Variants in CCDC60 observed in about 807,000 individuals in gnomAD.
CCDC60 encodes coiled-coil domain-containing protein 60.
A neutral mutation model predicts 63.5 loss-of-function variants in CCDC60; 54 were observed. That is an observed-to-expected ratio of 0.85 (90% CI 0.68 to 1.07). The LOEUF is 1.07. Among genes scored for constraint, CCDC60 ranks in the 50% least tolerant of loss-of-function variants. CCDC60 has a pLI of 0.00. For missense variants in CCDC60, 651 were observed against 684.3 expected, an observed-to-expected ratio of 0.95 and a Z score of 0.54; for synonymous variants, 206 against 238.8, an observed-to-expected ratio of 0.86 and a Z score of 1.27.
intron 1 of CCDC60, among the ~76,000 whole-genome samples, chr12:119,335,469 T>C (rs932596609): frequency 4.0e-5 from 6 of 151,216 alleles, no homozygotes; most frequent in African/African-American, 1.5e-4. Flanking sequence ...TGTTGTTTCC[T>C]GACTTTTTAA....
At chr12:119,522,370 C>T (rs1425955516) in intron 9 of CCDC60, among the ~76,000 whole-genome samples, 1 of 152,180 alleles carries the variant, frequency 6.6e-6, no homozygotes, top group Non-Finnish European at 1.5e-5. Flanking sequence ...TTCAGTCATC[C>T]ACACCTAGAA....
At chr12:119,528,048 A>G (rs1237357171) in intron 11 of CCDC60, among the ~76,000 whole-genome samples, 1 of 152,112 alleles carries the variant, frequency 6.6e-6, no homozygotes, top group Non-Finnish European at 1.5e-5. Context: ...ATAAAGCTGG[A>G]AAATGTGGGG....
At chr12:119,398,435 G>T (rs868355661) in intron 1 of CCDC60, among the ~76,000 whole-genome samples, 1 of 152,116 alleles carries the variant, frequency 6.6e-6, no homozygotes, top group South Asian at 2.1e-4. Flanking sequence ...ACGCCTCCCC[G>T]CAAGCAGAGG....
chr12:119,374,528 G>A (rs972385921), intron 1 of CCDC60, among the ~76,000 whole-genome samples: 6 of 152,122 alleles, frequency 3.9e-5, no homozygotes, highest in Non-Finnish European at 7.4e-5. Context: ...ATAGAGGGGT[G>A]GTGGTGTTCC....
intron 1 of CCDC60, among the ~76,000 whole-genome samples, chr12:119,412,382 G>C (rs1340048243): frequency 6.6e-6 from 1 of 152,182 alleles, no homozygotes. Flanking sequence ...TCTTCTTCCA[G>C]GGAGAGAGAA....
intron 4 of CCDC60, among the ~76,000 whole-genome samples, chr12:119,482,170 A>T (rs1388277124): frequency 6.6e-6 from 1 of 150,716 alleles, no homozygotes; most frequent in African/African-American, 2.4e-5. Flanking sequence ...ACACACACAC[A>T]CACACACATA....
Position 119,522,975 on chromosome 12 carries a change from C to G in CCDC60, c.1077C>G (p.Ile359Met). The G allele has an allele frequency of 6.2e-7, 1 of 1,614,132 alleles. No homozygotes were observed. The highest frequency in any genetic ancestry group is 8.5e-7 in the Non-Finnish European group (1 of 1,180,008). ...GCAGTACAAGTGCAGAAAGCCACATCCAACCAGTCCAGAAGAAGTCTAAAA... is the reference window on the plus strand; with the variant it reads ...GCAGTACAAGTGCAGAAAGCCACATGCAACCAGTCCAGAAGAAGTCTAAAA... ...RSSSTSAESHIQPVQKKSKNR... is the reference protein window; with the variant it reads ...RSSSTSAESHMQPVQKKSKNR... Residue 359 changes from isoleucine to methionine, a missense_variant, in exon 10 of 14, where the codon ATC (isoleucine) becomes ATG (methionine). By Grantham distance (10) the Ile-to-Met change is conservative (BLOSUM62 1). Transcript: ENST00000327554.
intron 1 of CCDC60, among the ~76,000 whole-genome samples, chr12:119,373,849 C>T (rs372153617): frequency 6.6e-6 from 1 of 152,190 alleles, no homozygotes; most frequent in Non-Finnish European, 1.5e-5. Flanking sequence ...ACATTTTTCA[C>T]GTTTCATTTG....
intron 1 of CCDC60, among the ~76,000 whole-genome samples, chr12:119,377,349 C>T (rs180912327): frequency 1.3e-4 from 19 of 151,728 alleles, no homozygotes; most frequent in Admixed American, 3.9e-4. Context: ...GAAATATCTT[C>T]CAATTGTTGT....
intron 1 of CCDC60, among the ~76,000 whole-genome samples, chr12:119,369,221 A>G (rs1345594644): frequency 6.6e-6 from 1 of 152,178 alleles, no homozygotes; most frequent in Non-Finnish European, 1.5e-5. Context: ...AGGCCTGAGA[A>G]GTAGCCATAT....
At chr12:119,372,725 C>A (rs138667856) in intron 1 of CCDC60, among the ~76,000 whole-genome samples, 3 of 152,242 alleles carry the variant, frequency 2.0e-5, no homozygotes, top group Non-Finnish European at 4.4e-5. Flanking sequence ...AACACCTGGG[C>A]CCTAGAGATG....
intron 2 of CCDC60, among the ~76,000 whole-genome samples, chr12:119,468,080 C>G (rs942419532): frequency 1.3e-5 from 2 of 151,830 alleles, no homozygotes; most frequent in Admixed American, 1.3e-4. Flanking sequence ...CAAGACCAGC[C>G]TGGCCAATAT....
chr12:119,370,601 C>T (rs535959705), intron 1 of CCDC60, among the ~76,000 whole-genome samples: 1 of 152,300 alleles, frequency 6.6e-6, no homozygotes, highest in East Asian at 1.9e-4. Flanking sequence ...CTCCTCCCTG[C>T]TCATCTCAGG....
chr12:119,369,050 A>G (rs959574961), intron 1 of CCDC60, among the ~76,000 whole-genome samples: 6 of 152,148 alleles, frequency 3.9e-5, no homozygotes, highest in Non-Finnish European at 8.8e-5. Context: ...TCAATATCCA[A>G]CCACACAGTG....
At chr12:119,516,542 T>G in intron 7 of CCDC60, 81 bp from the exon 8 acceptor site, 1 of 913,646 alleles carries the variant, frequency 1.1e-6, no homozygotes, top group Non-Finnish European at 1.7e-6. Flanking sequence ...TGACCCCAGT[T>G]TGGGGGGCTG....
At chr12:119,429,236 A>C (rs1463762949) in intron 2 of CCDC60, among the ~76,000 whole-genome samples, 2 of 152,186 alleles carry the variant, frequency 1.3e-5, no homozygotes, top group African/African-American at 4.8e-5. Flanking sequence ...GAAATAAAGC[A>C]GATAAAGTGT....
At chr12:119,400,329 G>A (rs562094649) in intron 1 of CCDC60, among the ~76,000 whole-genome samples, 55 of 152,226 alleles carry the variant, frequency 3.6e-4, no homozygotes, top group African/African-American at 2.4e-4. Flanking sequence ...GATTACAGGC[G>A]TGAGCCACTG....
chr12:119,433,433 G>C, intron 2 of CCDC60: 1 of 702,242 alleles, frequency 1.4e-6, no homozygotes, highest in South Asian at 1.5e-5. Context: ...AGGCCAAACA[G>C]AGAAGCCACA....
intron 1 of CCDC60, among the ~76,000 whole-genome samples, chr12:119,403,856 A>G (rs984306973): frequency 1.2e-4 from 18 of 152,224 alleles, no homozygotes; most frequent in African/African-American, 4.3e-4. Flanking sequence ...TGAAAAATGA[A>G]AAATTGTATA....
Sources: allele counts gnomAD v4.1 joint callset (sites outside exome capture counted in the v4.1 genomes callset), GRCh38; gene constraint gnomAD v4.1.1; transcripts MANE v1.5; gene names NCBI Gene and HGNC (gene_info 2026-07-23, HGNC 2026-07-21).